Variants in CACNG7 observed in about 807,000 individuals in gnomAD.
CACNG7 encodes calcium voltage-gated channel auxiliary subunit gamma 7.
In CACNG7, 9 loss-of-function variants were observed where a neutral mutation model predicts 26.3. That is an observed-to-expected ratio of 0.34 (90% CI 0.21 to 0.60). The LOEUF (loss-of-function observed/expected upper bound fraction) is 0.60, where lower values mean the gene tolerates loss of function less well. CACNG7 is among the 20% of genes least tolerant of loss of function. The probability of loss-of-function intolerance (pLI) is 0.81; values close to 1 mark genes in which losing one functional copy is unlikely to be tolerated. For missense variants in CACNG7, 297 were observed against 380.4 expected (o/e 0.78, Z 1.82); for synonymous variants, 170 against 157.0 (o/e 1.08, Z -0.62).
chr19:53,918,813 G>C (rs1044493656), intron 4 of CACNG7, among the ~76,000 whole-genome samples: 2 of 152,160 alleles, frequency 1.3e-5, no homozygotes, highest in African/African-American at 4.8e-5. Flanking sequence ...TCGTCGCCCA[G>C]GCTGGAGTGC....
Position 53,912,575 on chromosome 19 carries a change from C to T in CACNG7, c.-29-228C>T, listed in dbSNP as rs1290427198. ...TGGGGATCTGGATCTGGAGCTAGAC[C>T]ACAGGCAGCAGGTTTGGGGAGCCCA... On this transcript the variant is annotated intron_variant, in intron 1 of 5. Coordinates refer to ENST00000391767, the MANE Select transcript of CACNG7 (RefSeq NM_031896.5). The surrounding 1 kb of genome is among the most constrained non-coding windows in gnomAD (Gnocchi z 4.6). Among the ~76,000 whole-genome samples the T allele has an allele frequency of 6.6e-6, 1 of 152,188 alleles. No individual in the cohort carries two copies. Among genetic ancestry groups the T allele is most frequent in the Non-Finnish European group, 1.5e-5 (1 of 68,024 alleles).
chr19:53,942,422 G>C lies in CACNG7; in HGVS notation c.*129G>C. ...CCCGGAGGAGGCTGCGCCAGCTTTA[G>C]GCCCCGCCCTCCTCCCAATGGCTCC... On this transcript the variant is annotated 3_prime_UTR_variant, in exon 6 of 6. Coordinates refer to ENST00000391767, the MANE Select transcript of CACNG7 (RefSeq NM_031896.5). This position sits in a 1 kb window ranked among gnomAD's most constrained non-coding sequence, Gnocchi z 5.9. 6.7e-7 allele frequency: 1 copy of C among 1,498,528 alleles called. No homozygotes were observed. 92.8% of individuals were successfully genotyped at this position (1,498,528 alleles called of 1,614,324 possible). A position where few individuals can be genotyped will look rare whatever the true frequency, so the allele number is the denominator to read the frequency against.
intron 4 of CACNG7, among the ~76,000 whole-genome samples, chr19:53,929,137 AAGAG>A (rs1264411761): frequency 1.3e-5 from 2 of 148,468 alleles, no homozygotes; most frequent in Non-Finnish European, 3.0e-5. Context: ...AAAAAAAAAA[AAGAG>A]AGAATAAGGC....
chr19:53,942,105 C>A lies in CACNG7; in HGVS notation c.640C>A (p.Pro214Thr). The A allele has an allele frequency of 1.2e-6, 2 of 1,613,988 alleles. No individual in the cohort carries two copies. Among genetic ancestry groups the A allele is most frequent in the African/African-American group, 1.3e-5 (1 of 75,028 alleles). The change falls in exon 6 of 6, where the codon CCG becomes ACG. Residue 214 changes from proline to threonine, a missense_variant. Coordinates refer to ENST00000391767, the MANE Select transcript of CACNG7 (RefSeq NM_031896.5). This position sits in a 1 kb window ranked among gnomAD's most constrained non-coding sequence, Gnocchi z 5.9. Reference sequence around the variant, plus strand: ...GGAGGAGGAGATGTACCGTCCACACCCGGCCTTCTACCGCCCGCGTCTCAG... The same window carrying A: ...GGAGGAGGAGATGTACCGTCCACACACGGCCTTCTACCGCCCGCGTCTCAG... ...YAEEEMYRPH[P>T]AFYRPRLSDC...
intron 4 of CACNG7, among the ~76,000 whole-genome samples, chr19:53,926,019 A>T (rs973093977): frequency 3.9e-5 from 6 of 152,108 alleles, no homozygotes; most frequent in Non-Finnish European, 2.9e-5. Context: ...TGATCTGTGG[A>T]TATGCTTATT....
intron 2 of CACNG7, among the ~76,000 whole-genome samples, chr19:53,914,222 C>A (rs1221266289): frequency 6.8e-6 from 1 of 147,758 alleles, no homozygotes; most frequent in Non-Finnish European, 1.5e-5. Flanking sequence ...TGTGGTGAGC[C>A]GAGATCGTGC....
At chr19:53,922,495 G>C (rs1599979340) in intron 4 of CACNG7, among the ~76,000 whole-genome samples, 1 of 101,422 alleles carries the variant, frequency 9.9e-6, no homozygotes, top group Non-Finnish European at 1.9e-5. Context: ...GTCATTGGTG[G>C]AGTTGTCCCA....
At chr19:53,925,409 G>T (rs1186444432) in intron 4 of CACNG7, among the ~76,000 whole-genome samples, 1 of 150,100 alleles carries the variant, frequency 6.7e-6, no homozygotes, top group Non-Finnish European at 1.5e-5. Flanking sequence ...CCCAGGTCTG[G>T]TCATTGGTGG....
chr19:53,916,388 G>A (rs1482632188), intron 4 of CACNG7, among the ~76,000 whole-genome samples: 1 of 151,082 alleles, frequency 6.6e-6, no homozygotes, highest in Non-Finnish European at 1.5e-5. Context: ...TAAGTACCAA[G>A]GCCCAGAATT....
intron 4 of CACNG7, among the ~76,000 whole-genome samples, chr19:53,920,919 GT>G (rs1334882595): frequency 3.4e-5 from 4 of 116,316 alleles, no homozygotes; most frequent in East Asian, 2.5e-4. Context: ...TTGTCCCCAG[GT>G]CTGGTCATTG....
chr19:53,912,989 C>T lies in CACNG7; in HGVS notation c.158C>T (p.Ala53Val). 1 of 1,613,078 alleles carries T rather than the reference C, an allele frequency of 6.2e-7. No individual in the cohort carries two copies. Among genetic ancestry groups the T allele is most frequent in the Non-Finnish European group, 8.5e-7 (1 of 1,179,202 alleles). Reference protein sequence around the residue: ...PQNQTTEVKMALHAGLWRVCF... With the variant: ...PQNQTTEVKMVLHAGLWRVCF... ...AACCAGACCACCGAGGTCAAGATGG[C>T]CCTGCACGCCGGCCTCTGGCGAGTC... Residue 53 changes from alanine (A) to valine (V), a missense_variant, in exon 2 of 6, where the codon GCC (alanine) becomes GTC (valine). Transcript: ENST00000391767. This position sits in a 1 kb window ranked among gnomAD's most constrained non-coding sequence, Gnocchi z 4.6.
intron 4 of CACNG7, among the ~76,000 whole-genome samples, chr19:53,934,692 G>A (rs2069094399): frequency 6.6e-6 from 1 of 151,892 alleles, no homozygotes; most frequent in African/African-American, 2.4e-5. Context: ...AGGATCACTT[G>A]AGCCCAGGAG....
chr19:53,931,685 TAAA>T (rs747430354), intron 4 of CACNG7, among the ~76,000 whole-genome samples: 2 of 44,950 alleles, frequency 4.4e-5, no homozygotes, highest in South Asian at 1.2e-3. Flanking sequence ...AGACTCTGTC[TAAA>T]AAAAAAAAAA....
At position 53,942,637 on chromosome 19, in the gene CACNG7, T is replaced by G. The variant is rs1255666381; in HGVS notation, c.*344T>G. The stretch of plus-strand genomic sequence containing the variant: ...CTGAGCTGGGAGCAGCCAGAGGCGG[T>G]GCAAGCGCCCAGCTCCCCAGAGCTC... On this transcript the variant is annotated 3_prime_UTR_variant, in exon 6 of 6. Coordinates refer to ENST00000391767, the MANE Select transcript of CACNG7 (RefSeq NM_031896.5). This position sits in a 1 kb window ranked among gnomAD's most constrained non-coding sequence, Gnocchi z 5.9. 9.0e-7 allele frequency: 1 copy of G among 1,105,354 alleles called. No individual in the cohort carries two copies. Among genetic ancestry groups the G allele is most frequent in the Admixed American group, 4.5e-5 (1 of 22,384 alleles). The allele number at this position is 1,105,354 out of a possible 1,614,324, so 68.5% of individuals were successfully genotyped here. A position where few individuals can be genotyped will look rare whatever the true frequency, so the allele number is the denominator to read the frequency against.
chr19:53,937,621 G>C, intron 4 of CACNG7, among the ~76,000 whole-genome samples: 1 of 104,272 alleles, frequency 9.6e-6, no homozygotes, highest in East Asian at 3.3e-4. Flanking sequence ...TCGGAGTTTT[G>C]CTCTTGTTGC....
intron 4 of CACNG7, among the ~76,000 whole-genome samples, chr19:53,931,151 G>A (rs1343676775): frequency 1.3e-5 from 2 of 151,998 alleles, no homozygotes; most frequent in African/African-American, 2.4e-5. Flanking sequence ...AGCTGAGATC[G>A]TGCCACTACA....
At chr19:53,933,606 C>T (rs1343589152) in intron 4 of CACNG7, among the ~76,000 whole-genome samples, 1 of 151,714 alleles carries the variant, frequency 6.6e-6, no homozygotes, top group Non-Finnish European at 1.5e-5. Context: ...TCAGCCTATT[C>T]CTGTGTTTTC....
chr19:53,913,799 A>G (rs73937619), intron 2 of CACNG7, among the ~76,000 whole-genome samples: 4,954 of 150,424 alleles, frequency 0.033, 284 homozygotes, highest in African/African-American at 0.12. Flanking sequence ...AAAAAAAAAA[A>G]AAAAAAAAAG....
chr19:53,925,447 C>CT (rs1367710140), intron 4 of CACNG7, among the ~76,000 whole-genome samples: 1 of 113,666 alleles, frequency 8.8e-6, no homozygotes. Context: ...CATTGGTGGA[C>CT]TTGCCACAGG....
Sources: gnomAD v4.1 joint callset for allele counts (sites outside exome capture counted in the v4.1 genomes callset) on GRCh38, gnomAD v4.1.1 for gene constraint, Gnocchi (gnomAD v3.1) non-coding constraint, MANE v1.5 for transcripts, NCBI Gene and HGNC (gene_info 2026-07-23, HGNC 2026-07-21) for gene names.